The following DENND4C variants were observed in gnomAD, a reference collection of about 807,000 sequenced individuals.
DENND4C encodes DENN domain containing 4C.
In DENND4C, 108 loss-of-function variants were observed where a neutral mutation model predicts 203.0. The observed-to-expected ratio is 0.53, with a 90% CI of 0.46 to 0.62. DENND4C has a LOEUF of 0.62. DENND4C is among the 20% of genes least tolerant of loss of function. DENND4C has a pLI of 0.00. For missense variants in DENND4C, 2,481 were observed against 2,301.2 expected, an observed-to-expected ratio of 1.08 and a Z score of -1.60; for synonymous variants, 871 against 792.4, an observed-to-expected ratio of 1.10 and a Z score of -1.67.
chr9:19,322,341 C>T (rs1030443391), intron 12 of DENND4C, among the ~76,000 whole-genome samples: 1 of 151,728 alleles, frequency 6.6e-6, no homozygotes, highest in African/African-American at 2.4e-5. Context: ...GTAGGTTTAA[C>T]CAAAAAGACA....
At chr9:19,318,096 A>G (rs1842146537) in intron 12 of DENND4C, among the ~76,000 whole-genome samples, 1 of 152,236 alleles carries the variant, frequency 6.6e-6, no homozygotes, top group Non-Finnish European at 1.5e-5. Context: ...AGGCAGGCAG[A>G]TCACCTGAGG....
At chr9:19,250,478 T>C (rs1826284621) in intron 1 of DENND4C, among the ~76,000 whole-genome samples, 1 of 152,042 alleles carries the variant, frequency 6.6e-6, no homozygotes, top group Non-Finnish European at 1.5e-5. Context: ...CTGCCCCCGC[T>C]CAGCCTCCCA....
chr9:19,319,341 T>TATATAC (rs1842416610), intron 12 of DENND4C, among the ~76,000 whole-genome samples: 1 of 39,592 alleles, frequency 2.5e-5, no homozygotes, highest in East Asian at 1.4e-3. Context: ...TATATACACA[T>TATATAC]ATATATATAC....
intron 28 of DENND4C, among the ~76,000 whole-genome samples, chr9:19,359,795 C>G (rs1417798137): frequency 1.3e-5 from 2 of 151,440 alleles, no homozygotes; most frequent in Non-Finnish European, 2.9e-5. Flanking sequence ...TCTTTAATTC[C>G]TTCAGTTTTT....
intron 29 of DENND4C, among the ~76,000 whole-genome samples, chr9:19,361,503 C>A (rs548074570): frequency 3.3e-5 from 5 of 152,282 alleles, no homozygotes; most frequent in African/African-American, 1.2e-4. Flanking sequence ...GTACTATAAA[C>A]TCTAGTTTGA....
chr9:19,306,713 T>G (rs115793246), intron 10 of DENND4C, among the ~76,000 whole-genome samples: 5,493 of 151,766 alleles, frequency 0.036, 328 homozygotes, highest in African/African-American at 0.13. Context: ...AAACATTATT[T>G]TCTAAAATAA....
In DENND4C at chr9:19,374,059, TACTG is replaced by T. The variant is rs895560890; in HGVS notation, c.*1889_*1892del. 1.8e-4 allele frequency among the ~76,000 whole-genome samples: 27 copies of T among 152,314 alleles called. No homozygotes were observed. Among genetic ancestry groups the T allele is most frequent in the African/African-American group, 5.8e-4 (24 of 41,574 alleles). On this transcript the variant is annotated 3_prime_UTR_variant, in exon 33 of 33. Coordinates refer to ENST00000434457, the MANE Select transcript of DENND4C (RefSeq NM_001330640.2). ...GGTACTAGTTTTAATACTTAACACT[TACTG>T]ACCCAACAGAAGTTTGGAATTACCT...
chr9:19,360,701 G>T (rs370822778), intron 29 of DENND4C, among the ~76,000 whole-genome samples: 2 of 152,170 alleles, frequency 1.3e-5, no homozygotes, highest in African/African-American at 4.8e-5. Flanking sequence ...CCATTTCCAA[G>T]TTCTGCTTTT....
chr9:19,296,294 A>T, intron 6 of DENND4C, 48 bp downstream of exon 6: 12 of 1,221,216 alleles, frequency 9.8e-6, no homozygotes, highest in Non-Finnish European at 1.4e-5. Context: ...TGGGTATATA[A>T]ATATATACAT....
Position 19,340,853 on chromosome 9 carries a change from C to T in DENND4C, c.2882-139C>T, listed in dbSNP as rs186159950. 134 of 634,534 alleles carry T rather than the reference C, an allele frequency of 2.1e-4. 1 individual carries two copies. In the African/African-American group the frequency reaches 2.3e-3, roughly 11 times the overall value. The allele number at this position is 634,534 out of a possible 1,614,324, so 39.3% of individuals were successfully genotyped here. Reference sequence around the variant, plus strand: ...GGCTTATCATTATTTTTAAAATGTTCTGTGTTCCTTGTGTGCTTTCTTGTC... The same window carrying T: ...GGCTTATCATTATTTTTAAAATGTTTTGTGTTCCTTGTGTGCTTTCTTGTC... On this transcript the variant is annotated intron_variant, in intron 20 of 32. Coordinates refer to ENST00000434457, the MANE Select transcript of DENND4C (RefSeq NM_001330640.2).
At position 19,346,771 on chromosome 9, in the gene DENND4C, A is replaced by T; in HGVS notation, c.4002A>T (p.Ser1334=). ...RRSSLPLDHG[S]PAQENPESEK... Reference sequence around the variant, plus strand: ...CAAGCCTACCTTTAGATCATGGTTCACCAGCACAGGAAAATCCTGAAAGTG... The same window carrying T: ...CAAGCCTACCTTTAGATCATGGTTCTCCAGCACAGGAAAATCCTGAAAGTG... Residue 1334 remains serine, a synonymous_variant, in exon 23 of 33, where the codon TCA becomes TCT. Transcript: ENST00000434457. The T allele has an allele frequency of 6.2e-7, 1 of 1,614,172 alleles. No homozygotes were observed. The highest frequency in any genetic ancestry group is 1.1e-5 in the South Asian group (1 of 91,090).
chr9:19,260,803 G>T (rs1829166943), intron 1 of DENND4C, among the ~76,000 whole-genome samples: 1 of 152,164 alleles, frequency 6.6e-6, no homozygotes, highest in Admixed American at 6.6e-5. Flanking sequence ...CTGTGCAGAA[G>T]CATTTTAACT....
intron 23 of DENND4C, 108 bp from the exon 24 acceptor site, chr9:19,350,594 G>C: frequency 1.1e-6 from 1 of 889,752 alleles, no homozygotes; most frequent in Non-Finnish European, 1.6e-6. Context: ...TGGGGATGAT[G>C]ATTTGTTTAA....
chr9:19,366,846 G>C (rs536792486), intron 30 of DENND4C, among the ~76,000 whole-genome samples: 1 of 152,140 alleles, frequency 6.6e-6, no homozygotes, highest in African/African-American at 2.4e-5. Flanking sequence ...AAAAGAAAAA[G>C]TAGATAAGTT....
chr9:19,335,366 C>T (rs887379134), intron 18 of DENND4C, among the ~76,000 whole-genome samples: 11 of 152,132 alleles, frequency 7.2e-5, no homozygotes, highest in African/African-American at 2.7e-4. Flanking sequence ...GGTGAGAACA[C>T]TTCTAATCTC....
intron 22 of DENND4C, 111 bp from the exon 23 acceptor site, chr9:19,345,810 A>G: frequency 2.9e-6 from 3 of 1,031,748 alleles, no homozygotes; most frequent in Non-Finnish European, 4.0e-6. Flanking sequence ...AATTTTCTGG[A>G]TCTTTTATTC....
intron 1 of DENND4C, among the ~76,000 whole-genome samples, chr9:19,252,768 C>T (rs1826967194): frequency 6.6e-6 from 1 of 151,940 alleles, no homozygotes; most frequent in Admixed American, 6.6e-5. Context: ...CGTAGTCTTC[C>T]TCTGTCACTC....
intron 20 of DENND4C, among the ~76,000 whole-genome samples, chr9:19,340,502 A>T (rs148467720): frequency 1.3e-5 from 2 of 151,996 alleles, no homozygotes; most frequent in East Asian, 3.9e-4. Context: ...AGTGTATTCT[A>T]TCTCCAAAGA....
intron 20 of DENND4C, 73 bp from the exon 21 acceptor site, chr9:19,340,909 CAGTGGAATTT>C: frequency 1.6e-6 from 2 of 1,249,176 alleles, no homozygotes; most frequent in South Asian, 1.8e-5. Context: ...TTGTGTAGAT[CAGTGGAATTT>C]TCTTGTGATT....
Sources: allele counts gnomAD v4.1 joint callset (sites outside exome capture counted in the v4.1 genomes callset), GRCh38; gene constraint gnomAD v4.1.1; transcripts MANE v1.5; gene names NCBI Gene and HGNC (gene_info 2026-07-23, HGNC 2026-07-21).